The following ANKRD44 variants were observed in gnomAD, a reference collection of about 807,000 sequenced individuals.
ANKRD44 encodes ankyrin repeat domain 44.
ANKRD44 carries 35 observed loss-of-function variants against 116.0 expected under a neutral mutation model. The ratio of observed to expected loss-of-function variants is 0.30; its 90% CI spans 0.23 to 0.40. The LOEUF (loss-of-function observed/expected upper bound fraction) is 0.40, where lower values mean the gene tolerates loss of function less well. Among genes scored for constraint, ANKRD44 ranks in the 10% least tolerant of loss-of-function variants. ANKRD44 has a pLI of 1.00. For missense variants in ANKRD44, 1,014 were observed against 1,242.6 expected (o/e 0.82, Z 2.77); for synonymous variants, 435 against 461.8 (o/e 0.94, Z 0.74).
In ANKRD44 at chr2:197,182,506, TA is replaced by T. The variant is rs527792610; in HGVS notation, c.111+4516del. 1.3e-3 allele frequency among the ~76,000 whole-genome samples: 198 copies of T among 152,304 alleles called. 4 individuals carry two copies. The highest frequency in any genetic ancestry group is 4.6e-3 in the African/African-American group (193 of 41,564). On this transcript the variant is annotated intron_variant, in intron 2 of 27. Transcript: ENST00000282272. ...CCAAAAACTGGCTCAGCATAAGCAA[TA>T]AAGTAGGGTTGAGTCATTCAGTCAA... is the stretch of plus-strand genomic sequence containing the variant.
chr2:197,126,044 C>T lies in ANKRD44; in HGVS notation c.262-7G>A. The T allele has an allele frequency of 6.2e-7, 1 of 1,614,098 alleles. No individual in the cohort carries two copies. The highest frequency in any genetic ancestry group is 8.5e-7 in the Non-Finnish European group (1 of 1,179,980). On this transcript the variant is annotated splice_region_variant and splice_polypyrimidine_tract_variant and intron_variant, in intron 4 of 27. Coordinates refer to ENST00000282272, the MANE Select transcript of ANKRD44 (RefSeq NM_001195144.2). ...TCAAAACCTGTACTGCTTCCTACAACAAAAGCAGAGTTTGCAGAGGTCACT... is the reference window on the plus strand; with the variant it reads ...TCAAAACCTGTACTGCTTCCTACAATAAAAGCAGAGTTTGCAGAGGTCACT...
chr2:197,118,106 G>A (rs755718243), intron 8 of ANKRD44, among the ~76,000 whole-genome samples: 24 of 151,760 alleles, frequency 1.6e-4, no homozygotes, highest in Admixed American at 6.6e-4. Flanking sequence ...CCAGCTACTC[G>A]GGAGGCTGAG....
At chr2:197,296,366 G>GT (rs556416822) in intron 1 of ANKRD44, 1 of 152,184 alleles carries the variant, frequency 6.6e-6, no homozygotes, top group Non-Finnish European at 1.5e-5. Context: ...CTTTTGCAGT[G>GT]TAAGTAACAA....
chr2:196,981,331 CAGGTT>C (rs2075799852), intron 21 of ANKRD44, among the ~76,000 whole-genome samples: 1 of 152,170 alleles, frequency 6.6e-6, no homozygotes, highest in Non-Finnish European at 1.5e-5. Flanking sequence ...AGCTCTATAC[CAGGTT>C]AAATTCCACT....
At chr2:197,277,982 G>C (rs904235925) in intron 1 of ANKRD44, among the ~76,000 whole-genome samples, 1 of 152,150 alleles carries the variant, frequency 6.6e-6, no homozygotes, top group Non-Finnish European at 1.5e-5. Context: ...CTCAGAATTA[G>C]GAGCTCTCAC....
At chr2:197,066,225 G>T (rs570401587) in intron 16 of ANKRD44, among the ~76,000 whole-genome samples, 2 of 152,272 alleles carry the variant, frequency 1.3e-5, no homozygotes, top group South Asian at 4.1e-4. Flanking sequence ...AATGGCCTTT[G>T]ACAAAATTCA....
intron 1 of ANKRD44, among the ~76,000 whole-genome samples, chr2:197,302,027 G>A (rs940658866): frequency 6.6e-6 from 1 of 152,224 alleles, no homozygotes; most frequent in Non-Finnish European, 1.5e-5. Context: ...GTAAAGGTGA[G>A]CCATGCAGAT....
rs1353818233 is a variant in ANKRD44 at position 196,989,124 on chromosome 2, G to GT, written c.*466dup. On this transcript the variant is annotated 3_prime_UTR_variant, in exon 28 of 28. Coordinates refer to ENST00000282272, the MANE Select transcript of ANKRD44 (RefSeq NM_001195144.2). ...GCTTTTGGCTAGCCCAGGGTCAAGT[G>GT]TTTTTTTTTTCACTTTTTTTTTGTT... 6.7e-3 allele frequency: 5,365 copies of GT among 796,064 alleles called. 27 individuals are homozygous for GT. The highest frequency in any genetic ancestry group is 0.035 in the African/African-American group (1,826 of 52,220). The allele number at this position is 796,064 out of a possible 1,614,324, so 49.3% of individuals were successfully genotyped here.
chr2:197,242,388 A>G (rs535005504), intron 1 of ANKRD44, among the ~76,000 whole-genome samples: 7 of 152,334 alleles, frequency 4.6e-5, no homozygotes, highest in African/African-American at 1.7e-4. Context: ...GGCCAAAGGA[A>G]AACCACGTTC....
intron 9 of ANKRD44, among the ~76,000 whole-genome samples, chr2:197,103,447 C>T (rs2078350632): frequency 6.6e-6 from 1 of 151,660 alleles, no homozygotes; most frequent in South Asian, 2.1e-4. Context: ...TCCCTGAATG[C>T]CTAAAAGACT....
At chr2:197,129,522 T>C (rs184218782) in intron 4 of ANKRD44, among the ~76,000 whole-genome samples, 56 of 152,352 alleles carry the variant, frequency 3.7e-4, no homozygotes, top group Non-Finnish European at 2.9e-5. Flanking sequence ...CGTTCTGTTT[T>C]AGGATTGTAG....
intron 8 of ANKRD44, among the ~76,000 whole-genome samples, chr2:197,114,282 T>C (rs2078657995): frequency 6.6e-6 from 1 of 152,234 alleles, no homozygotes; most frequent in Non-Finnish European, 1.5e-5. Flanking sequence ...TCTTAATTTC[T>C]AGTCTCCCTC....
chr2:197,122,345 T>C (rs1559081248), intron 7 of ANKRD44, among the ~76,000 whole-genome samples: 1 of 152,202 alleles, frequency 6.6e-6, no homozygotes, highest in Non-Finnish European at 1.5e-5. Context: ...AAGGCTACAT[T>C]TGGAAGGTGG....
chr2:197,100,023 G>A, intron 9 of ANKRD44, 93 bp from the exon 10 acceptor site: 1 of 1,157,666 alleles, frequency 8.6e-7, no homozygotes, highest in Non-Finnish European at 1.2e-6. Context: ...ACCAAATGTT[G>A]ATTTCTTTCC....
intron 10 of ANKRD44, among the ~76,000 whole-genome samples, chr2:197,097,445 G>T (rs1339740990): frequency 2.6e-5 from 4 of 152,188 alleles, no homozygotes; most frequent in African/African-American, 9.7e-5. Flanking sequence ...CCAGAACCTG[G>T]TAAGAGCGTA....
chr2:197,068,410 A>AT (rs1482512548), intron 16 of ANKRD44, among the ~76,000 whole-genome samples: 15 of 16,512 alleles, frequency 9.1e-4, no homozygotes, highest in Non-Finnish European at 4.6e-3. Flanking sequence ...AAAATAAAAT[A>AT]AAAAAAAATA....
At chr2:196,989,905 A>C (rs1418968136) in intron 27 of ANKRD44, 1 of 1,162,856 alleles carries the variant, frequency 8.6e-7, no homozygotes, top group Admixed American at 4.5e-5. Context: ...AACAAAGGGT[A>C]GTTTCATACT....
At chr2:197,117,314 A>G (rs979875535) in intron 8 of ANKRD44, among the ~76,000 whole-genome samples, 16 of 151,852 alleles carry the variant, frequency 1.1e-4, no homozygotes, top group African/African-American at 3.9e-4. Flanking sequence ...ATCTCAACTC[A>G]CTGCAACCTA....
chr2:197,196,796 T>C (rs1364426394), intron 1 of ANKRD44, among the ~76,000 whole-genome samples: 3 of 152,188 alleles, frequency 2.0e-5, no homozygotes, highest in African/African-American at 7.2e-5. Flanking sequence ...CCAAAGCCCA[T>C]GACAATTTTC....
Sources: allele counts gnomAD v4.1 joint callset (sites outside exome capture counted in the v4.1 genomes callset), GRCh38; gene constraint gnomAD v4.1.1; transcripts MANE v1.5; gene names NCBI Gene and HGNC (gene_info 2026-07-23, HGNC 2026-07-21).